The following RCAN1 variants were observed in gnomAD, a reference collection of about 807,000 sequenced individuals.
The protein encoded by RCAN1 is regulator of calcineurin 1.
Under a neutral mutation model 22.9 loss-of-function variants are expected in RCAN1, and 11 were observed. That is an observed-to-expected ratio of 0.48 (90% CI 0.30 to 0.79). The LOEUF is 0.79. Ranked by LOEUF, RCAN1 falls within the 30% of genes least tolerant of loss-of-function variation. The pLI is 0.06. For missense variants in RCAN1, 291 were observed against 337.8 expected (o/e 0.86, Z 1.09); for synonymous variants, 136 against 142.3 (o/e 0.96, Z 0.32).
At position 34,518,822 on chromosome 21, in the gene RCAN1, C is replaced by T. The variant is rs368340285; in HGVS notation, c.587-566G>A. On this transcript the variant is annotated intron_variant, in intron 3 of 3. Transcript: ENST00000313806. This position sits in a 1 kb window ranked among gnomAD's most constrained non-coding sequence, Gnocchi z 4.2. ...TTTCCTTAGAACAACTTCTAATCCCCGGGACCAGGAGTGTCCTGCTGTTCT... is the reference window on the plus strand; with the variant it reads ...TTTCCTTAGAACAACTTCTAATCCCTGGGACCAGGAGTGTCCTGCTGTTCT... Among the ~76,000 whole-genome samples the T allele has an allele frequency of 2.5e-4, 38 of 152,174 alleles. No homozygotes were observed. Among genetic ancestry groups the T allele is most frequent in the Admixed American group, 2.4e-3 (36 of 15,284 alleles).
In RCAN1 at chr21:34,518,291, C is replaced by G. The variant is rs1398303244; in HGVS notation, c.587-35G>C. The G allele has an allele frequency of 7.5e-6, 12 of 1,607,498 alleles. No individual in the cohort carries two copies. Among genetic ancestry groups the G allele is most frequent in the African/African-American group, 6.7e-5 (5 of 74,822 alleles). ...GAAAATAATCGCAGGGTCACTCAGA[C>G]AAGTCCTTGGGAGTCAAAAGGCAAA... On this transcript the variant is annotated intron_variant, in intron 3 of 3. Transcript: ENST00000313806. The surrounding 1 kb of genome is among the most constrained non-coding windows in gnomAD (Gnocchi z 4.2).
intron 1 of RCAN1, among the ~76,000 whole-genome samples, chr21:34,538,623 T>G (rs1023910431): frequency 6.6e-6 from 1 of 152,104 alleles, no homozygotes; most frequent in African/African-American, 2.4e-5. Flanking sequence ...AGAGTGAAGC[T>G]ACCAAGTGGT....
chr21:34,548,474 TAG>T, intron 1 of RCAN1, among the ~76,000 whole-genome samples: 1 of 152,166 alleles, frequency 6.6e-6, no homozygotes, highest in Non-Finnish European at 1.5e-5. Context: ...AGCTGGAAAG[TAG>T]AGTTTTCAAA....
intron 1 of RCAN1, chr21:34,526,946 C>A (rs1351106215): frequency 7.2e-7 from 1 of 1,389,408 alleles, no homozygotes. Context: ...TCAAGTCCTG[C>A]ATGCTTGCAG....
At chr21:34,521,100 A>G (rs1393938173) in intron 3 of RCAN1, 7 of 1,267,146 alleles carry the variant, frequency 5.5e-6, no homozygotes. Flanking sequence ...TATTTTGATT[A>G]AAAATAACAT....
chr21:34,546,118 G>A (rs1247156034), intron 1 of RCAN1, among the ~76,000 whole-genome samples: 1 of 152,164 alleles, frequency 6.6e-6, no homozygotes, highest in East Asian at 1.9e-4. Context: ...TTGACCATCT[G>A]AAGGATGCTA....
At chr21:34,538,583 T>C (rs1403991359) in intron 1 of RCAN1, among the ~76,000 whole-genome samples, 5 of 151,536 alleles carry the variant, frequency 3.3e-5, no homozygotes, top group Non-Finnish European at 7.4e-5. Flanking sequence ...GGACGAGTGG[T>C]GGGGAGGGGA....
At chr21:34,577,371 G>T (rs1987444501) in intron 1 of RCAN1, among the ~76,000 whole-genome samples, 1 of 152,206 alleles carries the variant, frequency 6.6e-6, no homozygotes, top group Admixed American at 6.5e-5. Context: ...GTGGAGGTGG[G>T]TGGATCCTTT....
chr21:34,595,362 A>G (rs1988111990), intron 1 of RCAN1, among the ~76,000 whole-genome samples: 1 of 152,238 alleles, frequency 6.6e-6, no homozygotes, highest in African/African-American at 2.4e-5. Context: ...AAGCCCTAAG[A>G]AAGTGCTTCA....
At chr21:34,582,300 C>T (rs769255610) in intron 1 of RCAN1, among the ~76,000 whole-genome samples, 3 of 152,082 alleles carry the variant, frequency 2.0e-5, no homozygotes, top group Non-Finnish European at 4.4e-5. Flanking sequence ...CAAACACAGA[C>T]AACAGGCAAT....
At chr21:34,555,288 G>T (rs985398727) in intron 1 of RCAN1, among the ~76,000 whole-genome samples, 4 of 152,122 alleles carry the variant, frequency 2.6e-5, no homozygotes, top group African/African-American at 9.7e-5. Context: ...GAGCCAATCG[G>T]GGACATTTGA....
chr21:34,611,569 T>A (rs911651446), intron 1 of RCAN1, among the ~76,000 whole-genome samples: 1 of 152,206 alleles, frequency 6.6e-6, no homozygotes, highest in Non-Finnish European at 1.5e-5. Flanking sequence ...AGAAGTTTGA[T>A]CCAGTCTTTT....
intron 1 of RCAN1, chr21:34,613,654 A>G (rs1480709989): frequency 4.5e-6 from 5 of 1,103,580 alleles, no homozygotes; most frequent in Non-Finnish European, 6.0e-6. Context: ...GAGTAAGATC[A>G]ATCAGTAAGA....
chr21:34,526,190 C>T (rs1362738196), intron 1 of RCAN1, among the ~76,000 whole-genome samples: 2 of 152,216 alleles, frequency 1.3e-5, no homozygotes, highest in Non-Finnish European at 2.9e-5. Context: ...TTATTATTTG[C>T]TCTGGCGGCA....
At position 34,525,223 on chromosome 21, in the gene RCAN1, C is replaced by T. The variant is rs571361905; in HGVS notation, c.253-1513G>A. The T allele has an allele frequency of 5.7e-5, 89 of 1,550,586 alleles. No homozygotes were observed. In the South Asian group the frequency reaches 9.2e-4, roughly 16 times the overall value. The stretch of plus-strand genomic sequence containing the variant: ...TGGTGGATGCCTGCTCCACATGGGG[C>T]TGCGGGTAGGAGCAGGGTAGTCGGT... On this transcript the variant is annotated intron_variant, in intron 1 of 3. Coordinates refer to ENST00000313806, the MANE Select transcript of RCAN1 (RefSeq NM_004414.7).
chr21:34,591,445 G>C (rs1279782230), intron 1 of RCAN1, among the ~76,000 whole-genome samples: 1 of 152,168 alleles, frequency 6.6e-6, no homozygotes, highest in Non-Finnish European at 1.5e-5. Flanking sequence ...TGCTCCAGGA[G>C]AAGGCAAGCA....
chr21:34,582,368 G>C (rs1380827049), intron 1 of RCAN1, among the ~76,000 whole-genome samples: 1 of 152,138 alleles, frequency 6.6e-6, no homozygotes. Context: ...AGGACAGATG[G>C]TCTGGGGTGG....
At chr21:34,602,886 T>C (rs992870529) in intron 1 of RCAN1, among the ~76,000 whole-genome samples, 1 of 152,108 alleles carries the variant, frequency 6.6e-6, no homozygotes, top group East Asian at 1.9e-4. Context: ...ATAATTTCAG[T>C]CATCTTCAGG....
intron 1 of RCAN1, among the ~76,000 whole-genome samples, chr21:34,530,632 T>TG (rs1568889153): frequency 2.1e-5 from 3 of 142,202 alleles, no homozygotes; most frequent in Non-Finnish European, 3.0e-5. Flanking sequence ...TTTTTTTTTT[T>TG]TTTTTTTTTT....
Sources: gnomAD v4.1 joint callset for allele counts (sites outside exome capture counted in the v4.1 genomes callset) on GRCh38, gnomAD v4.1.1 for gene constraint, Gnocchi (gnomAD v3.1) non-coding constraint, MANE v1.5 for transcripts, NCBI Gene and HGNC (gene_info 2026-07-23, HGNC 2026-07-21) for gene names.